Variants in DAGLA observed in about 807,000 individuals in gnomAD.
The protein encoded by DAGLA is diacylglycerol lipase-alpha.
Under a neutral mutation model 102.6 loss-of-function variants are expected in DAGLA, and 22 were observed. The ratio of observed to expected loss-of-function variants is 0.21; its 90% CI spans 0.15 to 0.31. The LOEUF is 0.31. Ranked by LOEUF, DAGLA falls within the 10% of genes least tolerant of loss-of-function variation. The probability of loss-of-function intolerance (pLI) is 1.00; values close to 1 mark genes in which losing one functional copy is unlikely to be tolerated. For missense variants in DAGLA, 927 were observed against 1,446.6 expected (o/e 0.64, Z 5.83); for synonymous variants, 578 against 628.9 (o/e 0.92, Z 1.21).
At position 61,723,923 on chromosome 11, in the gene DAGLA, C is replaced by T. The variant is rs191776127; in HGVS notation, c.548+351C>T. On this transcript the variant is annotated intron_variant, in intron 5 of 19. Coordinates refer to ENST00000257215, the MANE Select transcript of DAGLA (RefSeq NM_006133.3). ...GTAATAACAGTGAAGCCAAGCATTG[C>T]GTGTAGTAAGTTACAAGTCCACCAC... Among the ~76,000 whole-genome samples, 983 of 152,284 alleles carry T rather than the reference C, an allele frequency of 6.5e-3. 6 individuals carry two copies. The highest frequency in any genetic ancestry group is 0.027 in the Admixed American group (416 of 15,306).
chr11:61,687,745 G>T (rs570410408), intron 1 of DAGLA, among the ~76,000 whole-genome samples: 1 of 152,308 alleles, frequency 6.6e-6, no homozygotes, highest in South Asian at 2.1e-4. Flanking sequence ...AACAATCATG[G>T]CGAAATAACA....
In DAGLA at chr11:61,682,109, G is replaced by A. The variant is rs190997978; in HGVS notation, c.-45+1605G>A. 2.5e-4 allele frequency among the ~76,000 whole-genome samples: 38 copies of A among 152,260 alleles called. 1 individual carries two copies. In the East Asian group the frequency reaches 7.1e-3, roughly 29 times the overall value. On this transcript the variant is annotated intron_variant, in intron 1 of 19. Transcript: ENST00000257215. ...GATGCTGATGAGTTCCCTATAACCGGAGCACTGTCCGATGCCTTTGGAGCC... is the reference window on the plus strand; with the variant it reads ...GATGCTGATGAGTTCCCTATAACCGAAGCACTGTCCGATGCCTTTGGAGCC...
At chr11:61,729,853 G>A (rs547579193) in intron 8 of DAGLA, among the ~76,000 whole-genome samples, 1 of 151,826 alleles carries the variant, frequency 6.6e-6, no homozygotes, top group Non-Finnish European at 1.5e-5. Flanking sequence ...TGGGAGGATT[G>A]CTTGAGGCCA....
chr11:61,695,594 G>A (rs936516170), intron 1 of DAGLA, among the ~76,000 whole-genome samples: 2 of 152,220 alleles, frequency 1.3e-5, no homozygotes, highest in African/African-American at 4.8e-5. Flanking sequence ...GAGTTTGTGG[G>A]GACCTGGCCA....
intron 1 of DAGLA, among the ~76,000 whole-genome samples, chr11:61,719,342 T>C (rs2065263425): frequency 6.6e-6 from 1 of 152,154 alleles, no homozygotes; most frequent in Non-Finnish European, 1.5e-5. Flanking sequence ...CTGCAGGGCT[T>C]ACCCCATCCT....
chr11:61,731,897 A>AT (rs1417126980), intron 9 of DAGLA, among the ~76,000 whole-genome samples: 1 of 152,128 alleles, frequency 6.6e-6, no homozygotes, highest in Non-Finnish European at 1.5e-5. Context: ...TTTCTAGAAG[A>AT]AAGGACTTTC....
At chr11:61,708,475 G>A (rs2065167856) in intron 1 of DAGLA, among the ~76,000 whole-genome samples, 1 of 152,048 alleles carries the variant, frequency 6.6e-6, no homozygotes, top group Admixed American at 6.6e-5. Flanking sequence ...CTGCCTGCTG[G>A]GTTCACACCA....
At chr11:61,721,469 A>T (rs1565257105) in intron 3 of DAGLA, among the ~76,000 whole-genome samples, 1 of 152,250 alleles carries the variant, frequency 6.6e-6, no homozygotes, top group Admixed American at 6.5e-5. Flanking sequence ...TTGCCCCTAC[A>T]GCAGCCGAGT....
intron 1 of DAGLA, among the ~76,000 whole-genome samples, chr11:61,716,677 G>T (rs1318851060): frequency 6.6e-6 from 1 of 152,196 alleles, no homozygotes; most frequent in Non-Finnish European, 1.5e-5. Flanking sequence ...GCCTGTCGCT[G>T]CCGCCCGAGG....
intron 1 of DAGLA, among the ~76,000 whole-genome samples, chr11:61,683,538 T>C (rs1259936255): frequency 6.6e-6 from 1 of 152,174 alleles, no homozygotes; most frequent in Non-Finnish European, 1.5e-5. Flanking sequence ...TATTCAAGTC[T>C]CCTCAGCTCA....
chr11:61,706,894 G>A (rs1196716939), intron 1 of DAGLA, among the ~76,000 whole-genome samples: 1 of 152,246 alleles, frequency 6.6e-6, no homozygotes, highest in Non-Finnish European at 1.5e-5. Flanking sequence ...TGTCTGGCTT[G>A]ACAGCCCCAG....
chr11:61,683,763 G>A (rs1479377500), intron 1 of DAGLA, among the ~76,000 whole-genome samples: 1 of 152,136 alleles, frequency 6.6e-6, no homozygotes, highest in Non-Finnish European at 1.5e-5. Context: ...CAGTCCTGGG[G>A]TTTTGGGGTA....
At chr11:61,717,149 C>G (rs1450320281) in intron 1 of DAGLA, among the ~76,000 whole-genome samples, 1 of 152,126 alleles carries the variant, frequency 6.6e-6, no homozygotes, top group African/African-American at 2.4e-5. Context: ...GTGGCAGCCC[C>G]AGACCAGGAA....
At chr11:61,729,880 C>T (rs1023082597) in intron 8 of DAGLA, among the ~76,000 whole-genome samples, 1 of 151,198 alleles carries the variant, frequency 6.6e-6, no homozygotes, top group African/African-American at 2.4e-5. Context: ...TGAGACCAGC[C>T]TGGGCAACAT....
chr11:61,704,291 T>G lies in DAGLA; in HGVS notation c.-44-15821T>G, dbSNP rs537229225. On this transcript the variant is annotated intron_variant, in intron 1 of 19. Coordinates refer to ENST00000257215, the MANE Select transcript of DAGLA (RefSeq NM_006133.3). ...GTGCCACCATGCCCAGCTAATTTTT[T>G]ATGTTTTTGATAGAGACGGGGTTTC... Among the ~76,000 whole-genome samples the G allele has an allele frequency of 2.0e-5, 3 of 151,998 alleles. No homozygotes were observed. The East Asian group carries it at 5.8e-4, about 29-fold the overall frequency.
At chr11:61,743,119 C>T (rs1195133453) in intron 19 of DAGLA, among the ~76,000 whole-genome samples, 2 of 152,130 alleles carry the variant, frequency 1.3e-5, no homozygotes, top group Non-Finnish European at 2.9e-5. Flanking sequence ...AATCTCAGCA[C>T]TTTGGGAGGC....
intron 5 of DAGLA, 129 bp from the exon 6 acceptor site, chr11:61,725,866 C>G: frequency 1.2e-6 from 1 of 856,238 alleles, no homozygotes; most frequent in South Asian, 1.5e-5. Flanking sequence ...CTGTTCTCCC[C>G]CAGAACCCAC....
intron 1 of DAGLA, among the ~76,000 whole-genome samples, chr11:61,715,622 G>T (rs1381869354): frequency 6.6e-6 from 1 of 152,230 alleles, no homozygotes; most frequent in Non-Finnish European, 1.5e-5. Context: ...CAGCACCGGA[G>T]CACTCATGGT....
chr11:61,690,103 CAG>C (rs2065012236), intron 1 of DAGLA, among the ~76,000 whole-genome samples: 1 of 152,290 alleles, frequency 6.6e-6, no homozygotes, highest in African/African-American at 2.4e-5. Context: ...GCTGCAGGGC[CAG>C]AGTCAGCCCC....
Sources: gnomAD v4.1 joint callset for allele counts (sites outside exome capture counted in the v4.1 genomes callset) on GRCh38, gnomAD v4.1.1 for gene constraint, MANE v1.5 for transcripts, NCBI Gene and HGNC (gene_info 2026-07-23, HGNC 2026-07-21) for gene names.